PSPH: variants seen among roughly 807,000 people sequenced by gnomAD.
PSPH encodes L-3-phosphoserine phosphatase.
In PSPH, 16 loss-of-function variants were observed where a neutral mutation model predicts 23.4. The ratio of observed to expected loss-of-function variants is 0.68; its 90% confidence interval spans 0.46 to 1.04. The LOEUF (loss-of-function observed/expected upper bound fraction) is 1.04. PSPH is among the 50% of genes least tolerant of loss of function. PSPH has a pLI of 0.00. For missense variants in PSPH, 223 were observed against 273.7 expected (o/e 0.81, Z 1.31); for synonymous variants, 68 against 99.7 (o/e 0.68, Z 1.89).
At chr7:56,028,806 C>T (rs1293022490) in intron 3 of PSPH, among the ~76,000 whole-genome samples, 1 of 151,812 alleles carries the variant, frequency 6.6e-6, no homozygotes, top group African/African-American at 2.4e-5. Context: ...TTTTGATTTC[C>T]TCCTTCTTAA....
At chr7:56,035,535 A>C (rs529563089) in intron 1 of PSPH, among the ~76,000 whole-genome samples, 12 of 152,046 alleles carry the variant, frequency 7.9e-5, no homozygotes, top group African/African-American at 2.4e-4. Context: ...TAAGATGCTC[A>C]CCCACGCAGA....
At position 56,039,221 on chromosome 7, in the gene PSPH, G is replaced by A. The variant is rs976240068; in HGVS notation, c.-291-5115C>T. Among the ~76,000 whole-genome samples the A allele has an allele frequency of 4.0e-5, 6 of 150,526 alleles. No individual in the cohort carries two copies. The East Asian group carries it at 5.8e-4, about 15-fold the overall frequency. On this transcript the variant is annotated intron_variant, in intron 1 of 7. Transcript: ENST00000275605. Reference sequence around the variant, plus strand: ...AGTACTGTGAACATTCTCAGTTACTGTGATGCTCCAATAGCCACTGGAAAC... The same window carrying A: ...AGTACTGTGAACATTCTCAGTTACTATGATGCTCCAATAGCCACTGGAAAC...
intron 1 of PSPH, among the ~76,000 whole-genome samples, chr7:56,050,508 C>T (rs1306511479): frequency 6.6e-6 from 1 of 152,138 alleles, no homozygotes; most frequent in Non-Finnish European, 1.5e-5. Flanking sequence ...ACAAGTGATG[C>T]CCCCGCCTCA....
chr7:56,044,274 T>G (rs2117156697), intron 1 of PSPH, among the ~76,000 whole-genome samples: 1 of 152,254 alleles, frequency 6.6e-6, no homozygotes, highest in African/African-American at 2.4e-5. Context: ...AGGACACTGC[T>G]AATGAATAAA....
intron 3 of PSPH, among the ~76,000 whole-genome samples, chr7:56,027,450 G>A (rs1468547394): frequency 3.3e-5 from 5 of 152,068 alleles, no homozygotes; most frequent in South Asian, 2.1e-4. Flanking sequence ...CTTTGGCCGG[G>A]AGCGGTGGCT....
intron 3 of PSPH, among the ~76,000 whole-genome samples, chr7:56,028,697 A>T (rs903969638): frequency 6.6e-6 from 1 of 151,160 alleles, no homozygotes; most frequent in African/African-American, 2.4e-5. Context: ...AAGAGTATCA[A>T]CTCCCTCCCT....
At chr7:56,039,168 AT>A (rs1334648585) in intron 1 of PSPH, among the ~76,000 whole-genome samples, 30 of 151,330 alleles carry the variant, frequency 2.0e-4, no homozygotes, top group African/African-American at 6.1e-4. Flanking sequence ...AAAAAAAAAA[AT>A]GACACATATA....
chr7:56,022,640 A>G (rs1248415704), intron 3 of PSPH, among the ~76,000 whole-genome samples: 1 of 152,186 alleles, frequency 6.6e-6, no homozygotes, highest in African/African-American at 2.4e-5. Context: ...AGGAGTTTAG[A>G]CTTTAACTTC....
At chr7:56,042,563 A>ATC (rs1792685111) in intron 1 of PSPH, among the ~76,000 whole-genome samples, 1 of 152,034 alleles carries the variant, frequency 6.6e-6, no homozygotes, top group Admixed American at 6.6e-5. Context: ...AGGCAGGAGG[A>ATC]AAGCTTGAGC....
At chr7:56,012,051 A>G (rs11238389) in intron 7 of PSPH, among the ~76,000 whole-genome samples, 182 bp from the exon 8 acceptor site, 106,996 of 150,514 alleles carry the variant, frequency 0.71, 38,177 homozygotes, top group Non-Finnish European at 0.76. Context: ...GACTCCAGGT[A>G]TGCCCCACCT....
chr7:56,030,343 C>T (rs1170547190), intron 3 of PSPH, among the ~76,000 whole-genome samples: 1 of 150,430 alleles, frequency 6.6e-6, no homozygotes, highest in Non-Finnish European at 1.5e-5. Flanking sequence ...CTCCTGACCT[C>T]AGGAGTTCTG....
At chr7:56,036,162 G>A (rs1250228032) in intron 1 of PSPH, among the ~76,000 whole-genome samples, 1 of 151,982 alleles carries the variant, frequency 6.6e-6, no homozygotes, top group African/African-American at 2.4e-5. Context: ...GGGAGGCAGA[G>A]GTTGCAGTGA....
intron 1 of PSPH, among the ~76,000 whole-genome samples, chr7:56,035,111 C>G (rs1029682201): frequency 6.6e-6 from 1 of 152,076 alleles, no homozygotes; most frequent in African/African-American, 2.4e-5. Context: ...GAGGCTGAGG[C>G]AAGCGGATCA....
At chr7:56,040,096 C>CA (rs563273497) in intron 1 of PSPH, among the ~76,000 whole-genome samples, 26,452 of 137,680 alleles carry the variant, frequency 0.19, 2,529 homozygotes, top group Admixed American at 0.25. Flanking sequence ...AAGACTCCAT[C>CA]AAAAAAAAAA....
intron 1 of PSPH, among the ~76,000 whole-genome samples, chr7:56,036,915 T>C (rs1302828639): frequency 6.6e-6 from 1 of 152,066 alleles, no homozygotes; most frequent in Non-Finnish European, 1.5e-5. Flanking sequence ...GGCTCATGCC[T>C]GTAATCCCAG....
At chr7:56,025,537 G>T (rs1295113830) in intron 3 of PSPH, among the ~76,000 whole-genome samples, 1 of 151,814 alleles carries the variant, frequency 6.6e-6, no homozygotes, top group African/African-American at 2.4e-5. Flanking sequence ...GGAACTACAG[G>T]CGTGAGCAAC....
intron 3 of PSPH, among the ~76,000 whole-genome samples, chr7:56,024,997 T>A (rs1290404546): frequency 1.3e-5 from 2 of 151,212 alleles, no homozygotes; most frequent in Non-Finnish European, 2.9e-5. Flanking sequence ...AGAGATGGGG[T>A]TTCACCATGT....
At position 56,026,346 on chromosome 7, in the gene PSPH, GGC is replaced by G. The variant is rs199884001; in HGVS notation, c.-19-5117_-19-5116del. Among the ~76,000 whole-genome samples the G allele has an allele frequency of 9.1e-3, 1,367 of 149,978 alleles. 14 individuals are homozygous for G. Among genetic ancestry groups the G allele is most frequent in the African/African-American group, 0.031 (1,246 of 40,682 alleles). On this transcript the variant is annotated intron_variant, in intron 3 of 7. Transcript: ENST00000275605. ...CAAAAATTAGCCGGGCATGGTGGCA[GGC>G]ACCTGTAATCCCAGCTACTTGGGAC...
intron 3 of PSPH, 124 bp downstream of exon 3, chr7:56,031,805 C>A (rs1306976931): frequency 6.5e-6 from 1 of 153,312 alleles, no homozygotes; most frequent in Non-Finnish European, 1.5e-5. Context: ...CAAAGCAAGA[C>A]TCTGTCTCAA....
Sources: allele counts gnomAD v4.1 joint callset (sites outside exome capture counted in the v4.1 genomes callset), GRCh38; gene constraint gnomAD v4.1.1; transcripts MANE v1.5; gene names NCBI Gene and HGNC (gene_info 2026-07-23, HGNC 2026-07-21).